The following MED12L variants were observed in gnomAD, a reference collection of about 807,000 sequenced individuals.
The protein encoded by MED12L is mediator of RNA polymerase II transcription subunit 12-like protein.
A neutral mutation model predicts 281.3 loss-of-function variants in MED12L; 60 were observed. That is an observed-to-expected ratio of 0.21 (90% confidence interval 0.17 to 0.26). The LOEUF is 0.26. Ranked by LOEUF, MED12L falls within the 10% of genes least tolerant of loss-of-function variation. MED12L has a pLI of 1.00. For missense variants in MED12L, 2,146 were observed against 2,680.9 expected (o/e 0.80, Z 4.41); for synonymous variants, 974 against 987.2 (o/e 0.99, Z 0.25).
intron 16 of MED12L, among the ~76,000 whole-genome samples, chr3:151,237,341 T>C (rs1325474624): frequency 1.6e-5 from 1 of 63,056 alleles, no homozygotes; most frequent in Non-Finnish European, 3.4e-5. Context: ...CCTGGCTTTT[T>C]TTTTTTTTCT....
At chr3:151,371,030 A>G (rs543530580) in intron 26 of MED12L, among the ~76,000 whole-genome samples, 7 of 152,342 alleles carry the variant, frequency 4.6e-5, no homozygotes, top group South Asian at 4.1e-4. Flanking sequence ...TCTATTGTCA[A>G]TGCAATTGCA....
In MED12L at chr3:151,390,047, C is replaced by T. The variant is rs1356940751; in HGVS notation, c.5520C>T (p.His1840=). Residue 1840 remains histidine, a synonymous_variant, in exon 38 of 45, where the codon CAC becomes CAT. Transcript: ENST00000687756. ...NYSPISSQMM[H]HPQSTLWGYN... ...CGCCTATCTCCTCCCAAATGATGCA[C>T]CATCCACAGTCCACCTTGTGGGGTT... 5.0e-6 allele frequency: 8 copies of T among 1,614,016 alleles called. No individual in the cohort carries two copies. Among genetic ancestry groups the T allele is most frequent in the South Asian group, 1.1e-5 (1 of 91,084 alleles).
At chr3:151,350,396 A>AAAATATTAATACAAGGTATTAATATT (rs1753076485) in intron 17 of MED12L, among the ~76,000 whole-genome samples, 190 bp downstream of exon 17, 1 of 152,086 alleles carries the variant, frequency 6.6e-6, no homozygotes, top group African/African-American at 2.4e-5. Flanking sequence ...CCCTTGTATT[A>AAAATATTAATACAAGGTATTAATATT]AAATATTAAT....
intron 16 of MED12L, among the ~76,000 whole-genome samples, chr3:151,342,782 T>A (rs1408770275): frequency 6.6e-6 from 1 of 152,230 alleles, no homozygotes; most frequent in Non-Finnish European, 1.5e-5. Flanking sequence ...TTAGCCTTCC[T>A]TATTTGTTGG....
chr3:151,128,309 G>C (rs1225609584), intron 5 of MED12L, among the ~76,000 whole-genome samples: 1 of 152,148 alleles, frequency 6.6e-6, no homozygotes, highest in African/African-American at 2.4e-5. Flanking sequence ...TTTCTCTGCT[G>C]TTACTTTTGC....
rs1201549424 is a variant in MED12L at position 151,145,362 on chromosome 3, T to G, written c.557-10799T>G. Among the ~76,000 whole-genome samples the G allele has an allele frequency of 4.6e-5, 7 of 152,024 alleles. No homozygotes were observed. The East Asian group carries it at 1.3e-3, about 29-fold the overall frequency. On this transcript the variant is annotated intron_variant, in intron 5 of 44. Coordinates refer to ENST00000687756, the MANE Select transcript of MED12L (RefSeq NM_001393769.1). Reference sequence around the variant, plus strand: ...TGTCTGCTAGGTACTTCTGTAGTCATGAACACATTCTTTAAGGCATTGCAT... The same window carrying G: ...TGTCTGCTAGGTACTTCTGTAGTCAGGAACACATTCTTTAAGGCATTGCAT...
intron 16 of MED12L, among the ~76,000 whole-genome samples, chr3:151,226,619 T>C (rs1730541100): frequency 6.6e-6 from 1 of 152,142 alleles, no homozygotes; most frequent in South Asian, 2.1e-4. Flanking sequence ...AGTGTTTTTT[T>C]TTCAAGAAAG....
intron 16 of MED12L, among the ~76,000 whole-genome samples, chr3:151,287,490 A>G (rs538338929): frequency 1.2e-4 from 18 of 152,248 alleles, no homozygotes; most frequent in African/African-American, 4.1e-4. Flanking sequence ...GGGCCTGGGT[A>G]TATGATGGTA....
At position 151,433,880 on chromosome 3, in the gene MED12L, T is replaced by A. The variant is rs1335643497; in HGVS notation, c.*1076T>A. 2.6e-5 allele frequency: 4 copies of A among 152,662 alleles called. No individual in the cohort carries two copies. Among genetic ancestry groups the A allele is most frequent in the South Asian group, 2.1e-4 (1 of 4,834 alleles). The allele number at this position is 152,662 out of a possible 1,614,324, so 9.5% of individuals were successfully genotyped here. A position where few individuals can be genotyped will look rare whatever the true frequency, so the allele number is the denominator to read the frequency against. On this transcript the variant is annotated 3_prime_UTR_variant, in exon 45 of 45. Coordinates refer to ENST00000687756, the MANE Select transcript of MED12L (RefSeq NM_001393769.1). ...TATTGCATATACTGTATTTATAAAT[T>A]GGTGCAAAAAGCACAAGTAAATTAT...
intron 16 of MED12L, among the ~76,000 whole-genome samples, chr3:151,237,266 C>G (rs1320172695): frequency 6.6e-6 from 1 of 150,550 alleles, no homozygotes; most frequent in Non-Finnish European, 1.5e-5. Flanking sequence ...TCTTGAACAC[C>G]TGACCTTGTG....
chr3:151,205,829 A>G (rs1257122973), intron 16 of MED12L, among the ~76,000 whole-genome samples: 1 of 152,076 alleles, frequency 6.6e-6, no homozygotes, highest in Admixed American at 6.6e-5. Flanking sequence ...CCCCCTTCCC[A>G]TTTAGTATTT....
chr3:151,246,930 AC>A (rs1303792547), intron 16 of MED12L, among the ~76,000 whole-genome samples: 1 of 152,146 alleles, frequency 6.6e-6, no homozygotes, highest in Non-Finnish European at 1.5e-5. Context: ...CAAGAAAAAA[AC>A]AAACAACCCC....
At chr3:151,099,998 A>AC (rs751083600) in intron 2 of MED12L, among the ~76,000 whole-genome samples, 2 of 152,136 alleles carry the variant, frequency 1.3e-5, no homozygotes, top group African/African-American at 2.4e-5. Context: ...ATACTAAGTG[A>AC]CCCAAAGAGA....
rs765059603 is a variant in MED12L at position 151,248,760 on chromosome 3, A to AT, written c.2250+55096dup. On this transcript the variant is annotated intron_variant, in intron 16 of 44. Transcript: ENST00000687756. ...AGCCTATAACTCTGTGACTCCATCC[A>AT]TTAAAAAAAAATTTAGGATGTCAGC... The AT allele has an allele frequency of 4.0e-4, 61 of 152,310 alleles. 1 individual carries two copies. The Middle Eastern group carries it at 0.01, about 25-fold the overall frequency. The allele number at this position is 152,310 out of a possible 1,614,324, so 9.4% of individuals were successfully genotyped here.
intron 16 of MED12L, among the ~76,000 whole-genome samples, chr3:151,332,263 G>A (rs1336255147): frequency 6.6e-6 from 1 of 152,160 alleles, no homozygotes; most frequent in Non-Finnish European, 1.5e-5. Flanking sequence ...TAAATAATAT[G>A]TGAAAAGATG....
intron 16 of MED12L, chr3:151,294,977 AT>A (rs1744882812): frequency 6.2e-7 from 1 of 1,614,048 alleles, no homozygotes; most frequent in African/African-American, 1.3e-5. Flanking sequence ...TGTCAGCGTC[AT>A]TATGAGGTCT....
At chr3:151,214,178 A>G (rs919811053) in intron 16 of MED12L, 3 of 1,614,192 alleles carry the variant, frequency 1.9e-6, no homozygotes, top group Non-Finnish European at 2.5e-6. Context: ...ACGTAAAAGA[A>G]TATCCATCCT....
At chr3:151,093,971 A>G (rs189174375) in intron 2 of MED12L, among the ~76,000 whole-genome samples, 4 of 152,320 alleles carry the variant, frequency 2.6e-5, no homozygotes, top group East Asian at 1.9e-4. Context: ...GGAGGACCAC[A>G]CAATGAGATC....
chr3:151,247,962 C>CTTCTT (rs1314747790), intron 16 of MED12L, among the ~76,000 whole-genome samples: 44 of 75,904 alleles, frequency 5.8e-4, no homozygotes, highest in African/African-American at 2.2e-3. Context: ...TCTTCTTCTT[C>CTTCTT]TTTTTTTTTT....
Sources: allele counts gnomAD v4.1 joint callset (sites outside exome capture counted in the v4.1 genomes callset), GRCh38; gene constraint gnomAD v4.1.1; transcripts MANE v1.5; gene names NCBI Gene and HGNC (gene_info 2026-07-23, HGNC 2026-07-21).